The following SLC25A53 variants were observed in gnomAD, a reference collection of about 807,000 sequenced individuals.
SLC25A53 encodes solute carrier family 25 member 53, also known as mitochondrial carrier triple repeat protein 6.
Under a neutral mutation model 15.0 loss-of-function variants are expected in SLC25A53, and 5 were observed. The ratio of observed to expected loss-of-function variants is 0.33; its 90% CI spans 0.17 to 0.70. The LOEUF is 0.70. SLC25A53 is among the 30% of genes least tolerant of loss of function. SLC25A53 has a pLI of 0.67. For missense variants in SLC25A53, 216 were observed against 241.6 expected (o/e 0.89, Z 0.70); for synonymous variants, 95 against 100.0 (o/e 0.95, Z 0.30).
At chrX:104,143,540 A>T in intron 1 of SLC25A53, among the ~76,000 whole-genome samples, 1 of 112,023 alleles carries the variant, frequency 8.9e-6, no homozygotes, top group Non-Finnish European at 1.9e-5. Flanking sequence ...AAGCAAGAAG[A>T]CAAGATTAGA....
intron 1 of SLC25A53, among the ~76,000 whole-genome samples, chrX:104,121,878 TATATATA>T (rs2075394087): frequency 1.3e-4 from 1 of 7,863 alleles, no homozygotes; most frequent in Non-Finnish European, 2.3e-4. Context: ...TGGTATGATA[TATATATA>T]TATATATATA....
At chrX:104,152,819 G>T (rs1270114033) in intron 1 of SLC25A53, among the ~76,000 whole-genome samples, 1 of 112,059 alleles carries the variant, frequency 8.9e-6, no homozygotes, top group Non-Finnish European at 1.9e-5. Context: ...AATAGACTCA[G>T]GCCAGTTTGT....
intron 1 of SLC25A53, among the ~76,000 whole-genome samples, chrX:104,127,327 G>A (rs1295796258): frequency 9.0e-6 from 1 of 111,725 alleles, no homozygotes; most frequent in African/African-American, 3.3e-5. Flanking sequence ...ATTAATCATT[G>A]CCAGGGAGCA....
At chrX:104,115,327 T>C (rs1369508789) in intron 1 of SLC25A53, 6 of 1,150,965 alleles carry the variant, frequency 5.2e-6, no homozygotes, top group Non-Finnish European at 5.8e-6. Flanking sequence ...ACAGTAAGGA[T>C]CTAGTCCAGC....
intron 1 of SLC25A53, among the ~76,000 whole-genome samples, chrX:104,116,424 G>C (rs1411889257): frequency 9.0e-6 from 1 of 111,118 alleles, no homozygotes; most frequent in Non-Finnish European, 1.9e-5. Flanking sequence ...GGGTCCCTGG[G>C]CTGACAAGAC....
intron 1 of SLC25A53, among the ~76,000 whole-genome samples, chrX:104,105,542 T>A (rs782728741): frequency 8.9e-6 from 1 of 112,254 alleles, no homozygotes; most frequent in Non-Finnish European, 1.9e-5. Flanking sequence ...AATATTCCAA[T>A]ATTCAAAGGA....
chrX:104,116,276 A>G (rs1471805180), intron 1 of SLC25A53, among the ~76,000 whole-genome samples: 1 of 111,463 alleles, frequency 9.0e-6, no homozygotes, highest in Non-Finnish European at 1.9e-5. Context: ...AGTTTCTGGT[A>G]GGTACAGTAG....
Position 104,102,035 on chromosome X carries a change from A to T in SLC25A53, c.*2299T>A, listed in dbSNP as rs2075283222. On this transcript the variant is annotated 3_prime_UTR_variant, in exon 2 of 2. Coordinates refer to ENST00000594199, the MANE Select transcript of SLC25A53 (RefSeq NM_001012755.5). The stretch of plus-strand genomic sequence containing the variant: ...TCTGTGTTCATACTTCCTTGAATCC[A>T]CAAGTTGAGTACTGTCCCAACACAT... 1 of 111,904 alleles carries T rather than the reference A, an allele frequency of 8.9e-6. No homozygotes were observed. 9.2% of individuals were successfully genotyped at this position (111,904 alleles called of 1,213,427 possible).
intron 1 of SLC25A53, among the ~76,000 whole-genome samples, chrX:104,106,422 C>G (rs2075310455): frequency 9.0e-6 from 1 of 111,251 alleles, no homozygotes; most frequent in Non-Finnish European, 1.9e-5. Flanking sequence ...GGGAAAGGAA[C>G]AGAGATGTGT....
chrX:104,109,726 T>G (rs2075329597), intron 1 of SLC25A53, among the ~76,000 whole-genome samples: 1 of 111,633 alleles, frequency 9.0e-6, no homozygotes, highest in Admixed American at 9.5e-5. Context: ...AGTTACTTAA[T>G]GTCCCTGAAA....
rs917171203 is a variant in SLC25A53, at chrX:104,114,143, G to C, written c.-31-8855C>G. ...AGCATCACTGCGTGTGTGGGTAACAGCAGGCAGCAGAATGCACCTTTGCCG... is the reference window on the plus strand; with the variant it reads ...AGCATCACTGCGTGTGTGGGTAACACCAGGCAGCAGAATGCACCTTTGCCG... On this transcript the variant is annotated intron_variant, in intron 1 of 1. Transcript: ENST00000594199. 8.3e-7 allele frequency: 1 copy of C among 1,211,137 alleles called. No individual in the cohort carries two copies. The highest frequency in any genetic ancestry group is 1.1e-6 in the Non-Finnish European group (1 of 895,094).
intron 1 of SLC25A53, among the ~76,000 whole-genome samples, chrX:104,107,030 C>T (rs781955439): frequency 2.9e-5 from 3 of 104,475 alleles, no homozygotes; most frequent in East Asian, 3.1e-4. Context: ...CATATCCCCA[C>T]GATCTCATTC....
intron 1 of SLC25A53, among the ~76,000 whole-genome samples, chrX:104,122,316 T>TTTTTTTTTTTTTTTG (rs2075397522): frequency 1.3e-5 from 1 of 78,912 alleles, no homozygotes; most frequent in Non-Finnish European, 2.7e-5. Flanking sequence ...TTTTTTTTTT[T>TTTTTTTTTTTTTTTG]GTTTTTTTTT....
chrX:104,140,266 C>A (rs982723547), intron 1 of SLC25A53, among the ~76,000 whole-genome samples: 1 of 110,651 alleles, frequency 9.0e-6, no homozygotes, highest in African/African-American at 3.3e-5. Context: ...GCTGGGACTA[C>A]AGGCATGTGC....
At chrX:104,124,839 CTTTTTTTTT>C (rs34662574) in intron 1 of SLC25A53, among the ~76,000 whole-genome samples, 1 of 62,275 alleles carries the variant, frequency 1.6e-5, no homozygotes, top group African/African-American at 5.5e-5. Flanking sequence ...AACTTTTTTC[CTTTTTTTTT>C]TTTTTTTTTT....
At chrX:104,133,778 G>A (rs1027393524) in intron 1 of SLC25A53, among the ~76,000 whole-genome samples, 1 of 110,933 alleles carries the variant, frequency 9.0e-6, no homozygotes, top group Admixed American at 9.7e-5. Flanking sequence ...TCAGAGACTC[G>A]AACATGAACA....
At chrX:104,133,211 T>C (rs1556365823) in intron 1 of SLC25A53, among the ~76,000 whole-genome samples, 1 of 112,184 alleles carries the variant, frequency 8.9e-6, no homozygotes, top group Non-Finnish European at 1.9e-5. Flanking sequence ...ACGTTTCCTA[T>C]GGGAAACAGA....
intron 1 of SLC25A53, among the ~76,000 whole-genome samples, chrX:104,117,965 TC>T (rs113106743): frequency 9.0e-6 from 1 of 110,616 alleles, no homozygotes; most frequent in Admixed American, 9.6e-5. Context: ...CCCCTTTCCT[TC>T]CCCCCCATCC....
At position 104,104,194 on chromosome X, in the gene SLC25A53, G is replaced by A; in HGVS notation, c.*140C>T. ...TTTGTCCTTGCTCAACAGGTTGGTA[G>A]TTGGGAACTTCTCCCATGCAATGAG... On this transcript the variant is annotated 3_prime_UTR_variant, in exon 2 of 2. Coordinates refer to ENST00000594199, the MANE Select transcript of SLC25A53 (RefSeq NM_001012755.5). 2 of 531,380 alleles carry A rather than the reference G, an allele frequency of 3.8e-6. No homozygotes were observed. Among genetic ancestry groups the A allele is most frequent in the Non-Finnish European group, 6.1e-6 (2 of 325,868 alleles). The allele number at this position is 531,380 out of a possible 1,213,427, so 43.8% of individuals were successfully genotyped here.
Sources: gnomAD v4.1 joint callset for allele counts (sites outside exome capture counted in the v4.1 genomes callset) on GRCh38, gnomAD v4.1.1 for gene constraint, MANE v1.5 for transcripts, NCBI Gene and HGNC (gene_info 2026-07-23, HGNC 2026-07-21) for gene names.